FRMD3: variants seen among roughly 807,000 people sequenced by gnomAD.
FRMD3 encodes FERM domain-containing protein 3.
A neutral mutation model predicts 70.2 loss-of-function variants in FRMD3; 33 were observed. The ratio of observed to expected loss-of-function variants is 0.47; its 90% CI spans 0.36 to 0.63. The LOEUF (loss-of-function observed/expected upper bound fraction) is 0.63. Ranked by LOEUF, FRMD3 falls within the 20% of genes least tolerant of loss-of-function variation. The probability of loss-of-function intolerance (pLI) is 0.00; values close to 1 mark genes in which losing one functional copy is unlikely to be tolerated. For missense variants in FRMD3, 632 were observed against 711.4 expected, an observed-to-expected ratio of 0.89 and a Z score of 1.27; for synonymous variants, 279 against 255.9, an observed-to-expected ratio of 1.09 and a Z score of -0.86.
intron 1 of FRMD3, among the ~76,000 whole-genome samples, chr9:83,497,205 T>C (rs995245176): frequency 6.6e-6 from 1 of 152,192 alleles, no homozygotes. Context: ...CCATTTGTGT[T>C]TCAGTTCACA....
chr9:83,324,897 G>C lies in FRMD3; in HGVS notation c.596+10619C>G, dbSNP rs375350959. On this transcript the variant is annotated intron_variant, in intron 6 of 13. Transcript: ENST00000304195. ...AAGCTGACCTGGTTCTAAAGTGCTTGTCAGGGCTGGTACCAACATCATCAC... is the reference window on the plus strand; with the variant it reads ...AAGCTGACCTGGTTCTAAAGTGCTTCTCAGGGCTGGTACCAACATCATCAC... 1.1e-4 allele frequency among the ~76,000 whole-genome samples: 17 copies of C among 152,348 alleles called. No individual in the cohort carries two copies. The East Asian group carries it at 3.1e-3, about 28-fold the overall frequency.
chr9:83,449,070 C>T (rs985997743), intron 1 of FRMD3, among the ~76,000 whole-genome samples: 3 of 152,208 alleles, frequency 2.0e-5, no homozygotes, highest in African/African-American at 7.2e-5. Flanking sequence ...ACAGCATTCA[C>T]GGAGGGGATG....
intron 1 of FRMD3, among the ~76,000 whole-genome samples, chr9:83,525,398 GAATT>G (rs954260079): frequency 6.6e-6 from 1 of 152,134 alleles, no homozygotes; most frequent in African/African-American, 2.4e-5. Context: ...TGTAGAACTT[GAATT>G]ATTTTAATTT....
At chr9:83,501,497 C>T (rs1228107208) in intron 1 of FRMD3, among the ~76,000 whole-genome samples, 2 of 152,146 alleles carry the variant, frequency 1.3e-5, no homozygotes, top group African/African-American at 4.8e-5. Context: ...TACATTCAGG[C>T]TATAGAGCTG....
At chr9:83,342,075 T>TCTCTG (rs1823778104) in intron 5 of FRMD3, among the ~76,000 whole-genome samples, 1 of 60,278 alleles carries the variant, frequency 1.7e-5, no homozygotes, top group Non-Finnish European at 3.4e-5. Flanking sequence ...CTCTCTCTCT[T>TCTCTG]TCCCCCAGCC....
At chr9:83,453,976 A>C (rs1827744668) in intron 1 of FRMD3, among the ~76,000 whole-genome samples, 2 of 152,080 alleles carry the variant, frequency 1.3e-5, no homozygotes, top group Admixed American at 1.3e-4. Flanking sequence ...CGGCCTACTA[A>C]AGTGCTGGGA....
At chr9:83,415,511 C>T (rs769244991) in intron 1 of FRMD3, among the ~76,000 whole-genome samples, 21 of 146,136 alleles carry the variant, frequency 1.4e-4, no homozygotes, top group Non-Finnish European at 1.5e-4. Context: ...GGCGCGATCT[C>T]GGCTCACTCC....
chr9:83,281,282 T>C (rs1337093012), intron 13 of FRMD3, among the ~76,000 whole-genome samples: 1 of 152,190 alleles, frequency 6.6e-6, no homozygotes. Flanking sequence ...ATAGGTTTAG[T>C]AATATTTTCA....
At position 83,299,105 on chromosome 9, in the gene FRMD3, T is replaced by A; in HGVS notation, c.1001+7A>T. 5.7e-6 allele frequency: 9 copies of A among 1,590,436 alleles called. No homozygotes were observed. Among genetic ancestry groups the A allele is most frequent in the Non-Finnish European group, 7.8e-6 (9 of 1,158,842 alleles). On this transcript the variant is annotated splice_region_variant and intron_variant, in intron 11 of 13. Coordinates refer to ENST00000304195, the MANE Select transcript of FRMD3 (RefSeq NM_174938.6). ...CCCCTCACTGAAATGGAACCATTGG[T>A]ACCCACCTATATCGAAATCTACTTC...
At chr9:83,482,666 A>G (rs1194494416) in intron 1 of FRMD3, among the ~76,000 whole-genome samples, 2 of 152,224 alleles carry the variant, frequency 1.3e-5, no homozygotes, top group Non-Finnish European at 2.9e-5. Flanking sequence ...CTGAAGCCAG[A>G]AGCTGCTGAG....
At chr9:83,396,579 T>C (rs1255250089) in intron 1 of FRMD3, among the ~76,000 whole-genome samples, 1 of 152,180 alleles carries the variant, frequency 6.6e-6, no homozygotes, top group Non-Finnish European at 1.5e-5. Context: ...TGACCCAGCT[T>C]AGGCCAATGA....
At chr9:83,442,447 G>A (rs1308113466) in intron 1 of FRMD3, among the ~76,000 whole-genome samples, 5 of 151,686 alleles carry the variant, frequency 3.3e-5, no homozygotes, top group Admixed American at 1.3e-4. Context: ...TAGTAGAGAC[G>A]GGGTTTCACC....
At chr9:83,429,604 T>C (rs1306572428) in intron 1 of FRMD3, among the ~76,000 whole-genome samples, 1 of 152,186 alleles carries the variant, frequency 6.6e-6, no homozygotes, top group Non-Finnish European at 1.5e-5. Flanking sequence ...CATTTAATCC[T>C]GTTTCCTCAT....
intron 12 of FRMD3, among the ~76,000 whole-genome samples, chr9:83,295,852 G>C (rs1174970766): frequency 6.6e-6 from 1 of 152,190 alleles, no homozygotes; most frequent in African/African-American, 2.4e-5. Flanking sequence ...GGAGGGTTTG[G>C]CTTGGGTATC....
At chr9:83,399,824 CT>C (rs1347726920) in intron 1 of FRMD3, among the ~76,000 whole-genome samples, 2 of 152,092 alleles carry the variant, frequency 1.3e-5, no homozygotes, top group African/African-American at 4.8e-5. Context: ...AAATAAATAA[CT>C]TCCTCAACTT....
chr9:83,500,321 G>C (rs992958144), intron 1 of FRMD3, among the ~76,000 whole-genome samples: 4 of 144,178 alleles, frequency 2.8e-5, no homozygotes, highest in African/African-American at 9.9e-5. Flanking sequence ...GTAGTAATAG[G>C]AGAGAGGGTA....
the FRMD3 span, among the ~76,000 whole-genome samples, chr9:83,578,307 G>A: frequency 1.3e-5 from 2 of 151,812 alleles, no homozygotes; most frequent in South Asian, 2.1e-4. Context: ...GAACTGGAGG[G>A]AACACTTCGA....
intron 1 of FRMD3, among the ~76,000 whole-genome samples, chr9:83,405,012 T>C (rs925864843): frequency 2.6e-5 from 4 of 152,204 alleles, no homozygotes; most frequent in African/African-American, 9.7e-5. Flanking sequence ...TCTCATGTTA[T>C]CTAGAAGTAC....
intron 1 of FRMD3, among the ~76,000 whole-genome samples, chr9:83,444,963 G>A (rs1166930090): frequency 6.6e-6 from 1 of 152,270 alleles, no homozygotes; most frequent in East Asian, 1.9e-4. Flanking sequence ...GCTCTTTCCC[G>A]TAGTCTCAAC....
Sources: gnomAD v4.1 joint callset for allele counts (sites outside exome capture counted in the v4.1 genomes callset) on GRCh38, gnomAD v4.1.1 for gene constraint, MANE v1.5 for transcripts, NCBI Gene and HGNC (gene_info 2026-07-23, HGNC 2026-07-21) for gene names.